The following RETREG1 variants were observed in gnomAD, a reference collection of about 807,000 sequenced individuals.
The protein encoded by RETREG1 is reticulophagy regulator 1.
In RETREG1, 44 loss-of-function variants were observed where a neutral mutation model predicts 54.8. The ratio of observed to expected loss-of-function variants is 0.80; its 90% CI spans 0.63 to 1.03. The LOEUF (loss-of-function observed/expected upper bound fraction) is 1.03, where lower values mean the gene tolerates loss of function less well. Among genes scored for constraint, RETREG1 ranks in the 50% least tolerant of loss-of-function variants. The pLI, the probability that RETREG1 is intolerant of heterozygous loss-of-function variation, is 0.00. For missense variants in RETREG1, 554 were observed against 605.1 expected (o/e 0.92, Z 0.89); for synonymous variants, 217 against 238.5 (o/e 0.91, Z 0.83).
chr5:16,527,800 A>ATT (rs386403108), intron 3 of RETREG1, among the ~76,000 whole-genome samples: 6,100 of 65,478 alleles, frequency 0.093, 1,360 homozygotes, highest in African/African-American at 0.13. Flanking sequence ...AGGGACTCTA[A>ATT]TTTTTTTTTT....
chr5:16,558,734 C>G (rs1216730349), intron 3 of RETREG1, among the ~76,000 whole-genome samples: 1 of 152,192 alleles, frequency 6.6e-6, no homozygotes, highest in Non-Finnish European at 1.5e-5. Context: ...GTAGTTACAA[C>G]ACATGAATGT....
intron 3 of RETREG1, among the ~76,000 whole-genome samples, chr5:16,508,398 A>G (rs1176689977): frequency 6.6e-6 from 1 of 152,208 alleles, no homozygotes; most frequent in Non-Finnish European, 1.5e-5. Flanking sequence ...ACATTAAGTT[A>G]TTTGCCTCTC....
intron 3 of RETREG1, among the ~76,000 whole-genome samples, chr5:16,565,321 C>T (rs1337987229): frequency 6.6e-6 from 1 of 152,188 alleles, no homozygotes; most frequent in African/African-American, 2.4e-5. Flanking sequence ...CTCACCCTAT[C>T]TCTGTGTCTC....
chr5:16,512,899 TA>T (rs1740224138), intron 3 of RETREG1, among the ~76,000 whole-genome samples: 1 of 152,096 alleles, frequency 6.6e-6, no homozygotes, highest in Non-Finnish European at 1.5e-5. Flanking sequence ...GGATTCAAAG[TA>T]GACCTCTAGT....
rs971334657 is a variant in RETREG1 at position 16,569,913 on chromosome 5, T to G, written c.427+2083A>C. On this transcript the variant is annotated intron_variant, in intron 2 of 8. Coordinates refer to ENST00000306320, the MANE Select transcript of RETREG1 (RefSeq NM_001034850.3). ...TGAGCATGAAAACAGATTGCAGTGATGCGGCTGCAAGCCATGGAATGCCCG... is the reference window on the plus strand; with the variant it reads ...TGAGCATGAAAACAGATTGCAGTGAGGCGGCTGCAAGCCATGGAATGCCCG... Among the ~76,000 whole-genome samples the G allele has an allele frequency of 2.6e-5, 4 of 152,352 alleles. No homozygotes were observed. In the South Asian group the frequency reaches 8.3e-4, roughly 32 times the overall value.
At chr5:16,541,417 C>T (rs191356732) in intron 3 of RETREG1, among the ~76,000 whole-genome samples, 52 of 152,258 alleles carry the variant, frequency 3.4e-4, no homozygotes, top group South Asian at 8.3e-4. Context: ...AAGATAGGTG[C>T]GGTGGCTCAC....
At position 16,475,043 on chromosome 5, in the gene RETREG1, G is replaced by A; in HGVS notation, c.1192C>T (p.Leu398Phe). 1.9e-6 allele frequency: 3 copies of A among 1,613,872 alleles called. No homozygotes were observed. The highest frequency in any genetic ancestry group is 2.2e-5 in the South Asian group (2 of 91,082). Residue 398 changes from leucine to phenylalanine, a missense_variant, in exon 9 of 9, where the codon CTT becomes TTT. Leu to Phe is a conservative substitution (Grantham distance 22). This residue lies in a region of RETREG1 where 347 missense variants were observed against 412.3 expected (regional missense o/e 0.84). Coordinates refer to ENST00000306320, the MANE Select transcript of RETREG1 (RefSeq NM_001034850.3). ...AAGGTTTGGTCACTGTTCAGAGGAA[G>A]GGTGAGACCAGCTGCTGATTGCGTC... ...KETQSAAGLT[L>F]PLNSDQTFHL...
chr5:16,499,739 G>C (rs1249880958), intron 3 of RETREG1, among the ~76,000 whole-genome samples: 1 of 152,200 alleles, frequency 6.6e-6, no homozygotes, highest in Non-Finnish European at 1.5e-5. Context: ...GCAGTGCCAG[G>C]CTTCACCAGT....
At chr5:16,550,715 A>T (rs940101090) in intron 3 of RETREG1, among the ~76,000 whole-genome samples, 2 of 152,246 alleles carry the variant, frequency 1.3e-5, no homozygotes, top group Non-Finnish European at 2.9e-5. Context: ...AAAAGACGGG[A>T]ACAACCTGAA....
Position 16,572,050 on chromosome 5 carries a change from G to A in RETREG1, c.373C>T (p.Leu125Phe), listed in dbSNP as rs547425698. Residue 125 changes from leucine (L) to phenylalanine (F), a missense_variant, in exon 2 of 9, where the codon CTT becomes TTT. Leu to Phe is a conservative substitution (Grantham distance 22, BLOSUM62 0). Around this residue, in one of 4 missense-constraint regions of RETREG1, gnomAD observed 347 missense variants for 412.3 expected, o/e 0.84. Coordinates refer to ENST00000306320, the MANE Select transcript of RETREG1 (RefSeq NM_001034850.3). The stretch of plus-strand genomic sequence containing the variant: ...ATTATTTGCATAATAACACGCCCAA[G>A]TATCATGACGGAAATCAGGTGATAT... Reference protein sequence around the residue: ...RVYHLISVMILGRVIMQIIKD... With the variant: ...RVYHLISVMIFGRVIMQIIKD... 6.2e-7 allele frequency: 1 copy of A among 1,613,878 alleles called. No individual in the cohort carries two copies. Among genetic ancestry groups the A allele is most frequent in the Admixed American group, 1.7e-5 (1 of 60,010 alleles).
intron 3 of RETREG1, among the ~76,000 whole-genome samples, chr5:16,507,124 T>G (rs1042460895): frequency 6.6e-6 from 1 of 152,224 alleles, no homozygotes; most frequent in Non-Finnish European, 1.5e-5. Flanking sequence ...AATTACTACT[T>G]AATTGTGAAA....
intron 2 of RETREG1, among the ~76,000 whole-genome samples, chr5:16,567,180 G>C (rs932769525): frequency 1.3e-5 from 2 of 152,174 alleles, no homozygotes; most frequent in Non-Finnish European, 2.9e-5. Flanking sequence ...CTAAAGGCAG[G>C]GCTGAAGAAC....
At chr5:16,489,030 C>A (rs909471858) in intron 3 of RETREG1, among the ~76,000 whole-genome samples, 19 of 123,414 alleles carry the variant, frequency 1.5e-4, no homozygotes, top group Non-Finnish European at 1.6e-5. Flanking sequence ...CTGCAATGAG[C>A]CGAGATAGCG....
In RETREG1 at chr5:16,477,897, A is replaced by T. The variant is rs1738608570; in HGVS notation, c.874-109T>A. ...TGACAGAGTAATAAAAACCAAATGG[A>T]TATTTTTATTTTGAAATCATTCAGT... On this transcript the variant is annotated intron_variant, in intron 7 of 8. Transcript: ENST00000306320. 2.6e-5 allele frequency: 37 copies of T among 1,440,406 alleles called. 2 individuals are homozygous for T. The South Asian group carries it at 3.4e-4, about 13-fold the overall frequency. 89.2% of individuals were successfully genotyped at this position (1,440,406 alleles called of 1,614,324 possible).
intron 3 of RETREG1, among the ~76,000 whole-genome samples, chr5:16,488,117 T>C (rs1414115997): frequency 6.6e-6 from 1 of 152,034 alleles, no homozygotes; most frequent in African/African-American, 2.4e-5. Context: ...ACCTTAAGAG[T>C]CACTGTGAGA....
chr5:16,489,946 G>C (rs528348372), intron 3 of RETREG1, among the ~76,000 whole-genome samples: 2 of 152,290 alleles, frequency 1.3e-5, no homozygotes, highest in African/African-American at 4.8e-5. Flanking sequence ...ACTTAAAAGT[G>C]TTTTTACAAC....
At chr5:16,537,810 G>A (rs977765495) in intron 3 of RETREG1, among the ~76,000 whole-genome samples, 4 of 152,100 alleles carry the variant, frequency 2.6e-5, no homozygotes, top group Admixed American at 1.3e-4. Flanking sequence ...ACCATTCTCA[G>A]ACGCAGTGCT....
At chr5:16,603,976 C>T (rs901643780) in intron 1 of RETREG1, among the ~76,000 whole-genome samples, 2 of 151,996 alleles carry the variant, frequency 1.3e-5, no homozygotes, top group African/African-American at 4.8e-5. Flanking sequence ...ATGCCTAAAA[C>T]GGAAAACAAA....
At chr5:16,596,767 T>G (rs1399261839) in intron 1 of RETREG1, among the ~76,000 whole-genome samples, 1 of 152,124 alleles carries the variant, frequency 6.6e-6, no homozygotes, top group Non-Finnish European at 1.5e-5. Flanking sequence ...CTGTTTTCTG[T>G]GTGAGTGCCT....
Sources: allele counts gnomAD v4.1 joint callset (sites outside exome capture counted in the v4.1 genomes callset), GRCh38; gene constraint gnomAD v4.1.1; regional missense constraint gnomAD v4.1.1; transcripts MANE v1.5; gene names NCBI Gene and HGNC (gene_info 2026-07-23, HGNC 2026-07-21).